MBLAC2: variants seen among roughly 807,000 people sequenced by gnomAD.
MBLAC2 encodes the protein metallo-beta-lactamase domain containing 2, also known as acyl-coenzyme A thioesterase MBLAC2.
In MBLAC2, 24 loss-of-function variants were observed where a neutral mutation model predicts 23.3. The observed-to-expected ratio is 1.03, with a 90% CI of 0.75 to 1.45. The LOEUF is 1.45. MBLAC2 is among the 40% of genes most tolerant of loss of function. MBLAC2 has a pLI of 0.00. For synonymous variants in MBLAC2, 162 were observed against 150.9 expected (o/e 1.07, Z -0.54); for missense variants, 358 against 370.0 (o/e 0.97, Z 0.27).
intron 1 of MBLAC2, among the ~76,000 whole-genome samples, chr5:90,465,684 G>C (rs1320211965): frequency 6.6e-6 from 1 of 152,108 alleles, no homozygotes; most frequent in Non-Finnish European, 1.5e-5. Flanking sequence ...GGGCTCAAGG[G>C]ATCCTTCCAA....
chr5:90,466,864 G>A (rs115720754), intron 1 of MBLAC2, among the ~76,000 whole-genome samples: 1,994 of 152,226 alleles, frequency 0.013, 50 homozygotes, highest in African/African-American at 0.045. Flanking sequence ...TGAGCTGGGC[G>A]CACTGGCTCA....
In MBLAC2 at chr5:90,474,317, G is replaced by C. The variant is rs370085693; in HGVS notation, c.-25C>G. 6 of 1,602,872 alleles carry C rather than the reference G, an allele frequency of 3.7e-6. No individual in the cohort carries two copies. The East Asian group carries it at 1.3e-4, about 36-fold the overall frequency. On this transcript the variant is annotated 5_prime_UTR_variant, in exon 1 of 2. Coordinates refer to ENST00000316610, the MANE Select transcript of MBLAC2 (RefSeq NM_203406.2). ...TGCTGGGCAGGGGTGCAGCCAGGCG[G>C]GGTGAGTGTGGGCGTGCGAGTCTCC...
rs1358277985 is a variant in MBLAC2 at position 90,474,188 on chromosome 5, C to A, written c.105G>T (p.Val35=). ...ESGNRANIWL[V]RGSEQDVVID... ...TCACCACGTCCTGCTCGGAGCCGCG[C>A]ACCAGCCAGATGTTGGCACGGTTGC... Residue 35 remains valine (V), a synonymous_variant, in exon 1 of 2, where the codon GTG becomes GTT. Coordinates refer to ENST00000316610, the MANE Select transcript of MBLAC2 (RefSeq NM_203406.2). 4 of 1,609,298 alleles carry A rather than the reference C, an allele frequency of 2.5e-6. No individual in the cohort carries two copies. Among genetic ancestry groups the A allele is most frequent in the East Asian group, 2.2e-5 (1 of 44,744 alleles).
intron 1 of MBLAC2, among the ~76,000 whole-genome samples, chr5:90,465,988 T>C (rs969866971): frequency 3.3e-5 from 5 of 152,174 alleles, no homozygotes; most frequent in Admixed American, 1.3e-4. Context: ...TGACTCTAAA[T>C]TTCACGTGGA....
rs1270842773 is a variant in MBLAC2 at position 90,461,403 on chromosome 5, A to T, written c.604T>A (p.Tyr202Asn). The change falls in exon 2 of 2, where the codon TAC becomes AAC. Residue 202 changes from tyrosine (Y) to asparagine (N), a missense_variant. Coordinates refer to ENST00000316610, the MANE Select transcript of MBLAC2 (RefSeq NM_203406.2). Reference protein sequence around the residue: ...YDGSLIDWLPYSRISDYVGTC... With the variant: ...YDGSLIDWLPNSRISDYVGTC... ...CCAACATAGTCACTTATCCTGCTGTATGGGAGCCAGTCAATCAGTGATCCA... is the reference window on the plus strand; with the variant it reads ...CCAACATAGTCACTTATCCTGCTGTTTGGGAGCCAGTCAATCAGTGATCCA... The T allele has an allele frequency of 6.2e-7, 1 of 1,614,170 alleles. No homozygotes were observed. The highest frequency in any genetic ancestry group is 1.1e-5 in the South Asian group (1 of 91,086).
At chr5:90,467,755 GGTTT>G (rs1301817625) in intron 1 of MBLAC2, among the ~76,000 whole-genome samples, 7 of 101,838 alleles carry the variant, frequency 6.9e-5, no homozygotes, top group Admixed American at 9.7e-5. Context: ...TGGGGGGGGC[GGTTT>G]GTTTGTTTTT....
intron 1 of MBLAC2, among the ~76,000 whole-genome samples, chr5:90,469,617 T>G (rs1438627048): frequency 6.6e-6 from 1 of 152,226 alleles, no homozygotes; most frequent in African/African-American, 2.4e-5. Context: ...CTGTTTGTTT[T>G]AATAGCTGAT....
At chr5:90,466,863 C>T (rs918807224) in intron 1 of MBLAC2, among the ~76,000 whole-genome samples, 13 of 152,124 alleles carry the variant, frequency 8.5e-5, no homozygotes, top group East Asian at 1.9e-4. Flanking sequence ...GTGAGCTGGG[C>T]GCACTGGCTC....
intron 1 of MBLAC2, among the ~76,000 whole-genome samples, chr5:90,472,149 C>T (rs1165019621): frequency 7.9e-5 from 12 of 152,208 alleles, no homozygotes; most frequent in Non-Finnish European, 1.5e-4. Context: ...ATTCTCTCAC[C>T]TTTGATTTCC....
rs773310006 is a variant in MBLAC2 at position 90,468,067 on chromosome 5, G to A, written c.454+5772C>T. 5.3e-5 allele frequency among the ~76,000 whole-genome samples: 8 copies of A among 152,272 alleles called. No individual in the cohort carries two copies. In the East Asian group the frequency reaches 1.2e-3, roughly 22 times the overall value. On this transcript the variant is annotated intron_variant, in intron 1 of 1. Coordinates refer to ENST00000316610, the MANE Select transcript of MBLAC2 (RefSeq NM_203406.2). ...CCTTCTAGCTTGTAGAGTTTCTGCT[G>A]TTAGATAGGTTTTCCTTTACAGGTT... is the stretch of plus-strand genomic sequence containing the variant.
rs768803835 is a variant in MBLAC2, at chr5:90,473,948, C to T, written c.345G>A (p.Glu115=). The part of the protein sequence containing the change: ...AEALARGDNF[E]TVTWLSDSEV... Reference sequence around the variant, plus strand: ...CGCTATCGGAAAGCCAGGTCACGGTCTCAAAGTTGTCCCCGCGAGCCAGCG... The same window carrying T: ...CGCTATCGGAAAGCCAGGTCACGGTTTCAAAGTTGTCCCCGCGAGCCAGCG... The change falls in exon 1 of 2, where the codon GAG becomes GAA. Residue 115 remains glutamate (E), a synonymous_variant. Coordinates refer to ENST00000316610, the MANE Select transcript of MBLAC2 (RefSeq NM_203406.2). The T allele has an allele frequency of 2.2e-5, 36 of 1,603,198 alleles. No individual in the cohort carries two copies. The highest frequency in any genetic ancestry group is 3.0e-5 in the Non-Finnish European group (35 of 1,175,860).
At chr5:90,470,593 T>G (rs1360220831) in intron 1 of MBLAC2, among the ~76,000 whole-genome samples, 1 of 152,068 alleles carries the variant, frequency 6.6e-6, no homozygotes, top group Non-Finnish European at 1.5e-5. Context: ...TCCTCTACAT[T>G]GGTATCTTAG....
chr5:90,463,645 T>C (rs567538418), intron 1 of MBLAC2, among the ~76,000 whole-genome samples: 1 of 152,300 alleles, frequency 6.6e-6, no homozygotes, highest in African/African-American at 2.4e-5. Flanking sequence ...TATAAAGGAT[T>C]AAATGTTTAA....
Position 90,461,225 on chromosome 5 carries a change from G to C in MBLAC2, c.782C>G (p.Ala261Gly). Residue 261 changes from alanine (A) to glycine (G), a missense_variant, in exon 2 of 2, where the codon GCC (alanine) becomes GGC (glycine). Coordinates refer to ENST00000316610, the MANE Select transcript of MBLAC2 (RefSeq NM_203406.2). ...AGICHKVSTF[A>G]MRSLASLALR... ...AGCTAAACTTGCAAGAGATCGCATG[G>C]CAAAAGTAGAAACTTTGTGACATAT... 1 of 1,613,650 alleles carries C rather than the reference G, an allele frequency of 6.2e-7. No homozygotes were observed. Among genetic ancestry groups the C allele is most frequent in the Non-Finnish European group, 8.5e-7 (1 of 1,179,850 alleles).
In MBLAC2 at chr5:90,474,570, G is replaced by T; in HGVS notation, c.-278C>A. The T allele has an allele frequency of 4.2e-6, 2 of 480,678 alleles. No individual in the cohort carries two copies. Among genetic ancestry groups the T allele is most frequent in the Non-Finnish European group, 7.5e-6 (2 of 268,160 alleles). The allele number at this position is 480,678 out of a possible 1,614,324, so 29.8% of individuals were successfully genotyped here. Reference sequence around the variant, plus strand: ...GGGGCGCAGGAGCTACCGCAGCCTCGGCAGCCGCACCACGAGAGAGCTTTA... The same window carrying T: ...GGGGCGCAGGAGCTACCGCAGCCTCTGCAGCCGCACCACGAGAGAGCTTTA... On this transcript the variant is annotated 5_prime_UTR_variant, in exon 1 of 2. Coordinates refer to ENST00000316610, the MANE Select transcript of MBLAC2 (RefSeq NM_203406.2).
Position 90,473,897 on chromosome 5 carries a change from G to A in MBLAC2, c.396C>T (p.Gly132=). The A allele has an allele frequency of 1.2e-6, 2 of 1,606,060 alleles. No individual in the cohort carries two copies. Among genetic ancestry groups the A allele is most frequent in the Non-Finnish European group, 1.7e-6 (2 of 1,176,980 alleles). ...DSEVVRTPSP[G]WRARQFRVQA... ...GTACCCGGAACTGTCTGGCCCTCCA[G>A]CCGGGGCTGGGCGTCCGCACCACCT... Residue 132 remains glycine (G), a synonymous_variant, in exon 1 of 2, where the codon GGC becomes GGT. Transcript: ENST00000316610.
Position 90,461,528 on chromosome 5 carries a change from C to G in MBLAC2, c.479G>C (p.Arg160Thr), listed in dbSNP as rs769274992. The change falls in exon 2 of 2, where the codon AGA (arginine) becomes ACA (threonine). Residue 160 changes from arginine to threonine, a missense_variant. Physicochemically the swap from Arg to Thr is moderately conservative, Grantham distance 71 (BLOSUM62 -1). Coordinates refer to ENST00000316610, the MANE Select transcript of MBLAC2 (RefSeq NM_203406.2). ...QDGDVINLGD[R>T]QLTVMHMPGH... ...TGGCATGTGCATAACAGTGAGCTGT[C>G]TGTCACCAAGGTTGATCACATCCCC... 6.2e-7 allele frequency: 1 copy of G among 1,612,104 alleles called. No homozygotes were observed. Among genetic ancestry groups the G allele is most frequent in the African/African-American group, 1.3e-5 (1 of 74,884 alleles).
At chr5:90,465,721 C>T (rs1452882987) in intron 1 of MBLAC2, among the ~76,000 whole-genome samples, 3 of 152,150 alleles carry the variant, frequency 2.0e-5, no homozygotes, top group African/African-American at 4.8e-5. Context: ...GTATATGACA[C>T]CAGCCCAGCT....
At position 90,473,879 on chromosome 5, in the gene MBLAC2, G is replaced by A. The variant is rs1473471010; in HGVS notation, c.414C>T (p.Phe138=). 1.2e-5 allele frequency: 19 copies of A among 1,602,922 alleles called. No individual in the cohort carries two copies. The highest frequency in any genetic ancestry group is 1.4e-5 in the Non-Finnish European group (17 of 1,175,404). The change falls in exon 1 of 2, where the codon TTC becomes TTT. Residue 138 remains phenylalanine, a synonymous_variant. Transcript: ENST00000316610. The part of the protein sequence containing the change: ...TPSPGWRARQ[F]RVQAVQPTLI... Reference sequence around the variant, plus strand: ...GGGTGGGCTGCACCGCCTGTACCCGGAACTGTCTGGCCCTCCAGCCGGGGC... The same window carrying A: ...GGGTGGGCTGCACCGCCTGTACCCGAAACTGTCTGGCCCTCCAGCCGGGGC...
Sources: allele counts gnomAD v4.1 joint callset (sites outside exome capture counted in the v4.1 genomes callset), GRCh38; gene constraint gnomAD v4.1.1; transcripts MANE v1.5; gene names NCBI Gene and HGNC (gene_info 2026-07-23, HGNC 2026-07-21).